IFT88: variants seen among roughly 807,000 people sequenced by gnomAD.
The protein encoded by IFT88 is intraflagellar transport 88.
Under a neutral mutation model 119.5 loss-of-function variants are expected in IFT88, and 74 were observed. The observed-to-expected ratio is 0.62, with a 90% CI of 0.51 to 0.75. The LOEUF (loss-of-function observed/expected upper bound fraction) is 0.75. Among genes scored for constraint, IFT88 ranks in the 30% least tolerant of loss-of-function variants. The pLI, the probability that IFT88 is intolerant of heterozygous loss-of-function variation, is 0.00. For synonymous variants in IFT88, 279 were observed against 316.7 expected (o/e 0.88, Z 1.26); for missense variants, 961 against 977.7 (o/e 0.98, Z 0.23).
chr13:20,568,023 C>A, intron 1 of IFT88: 1 of 713,044 alleles, frequency 1.4e-6, no homozygotes. Flanking sequence ...TAAAAAAAAT[C>A]GCAAAAAAGA....
chr13:20,642,930 A>C (rs867292957), intron 18 of IFT88: 1 of 152,048 alleles, frequency 6.6e-6, no homozygotes, highest in African/African-American at 2.4e-5. Flanking sequence ...TAATATGTAT[A>C]AAATAAATAG....
chr13:20,624,738 G>A (rs762148023), intron 14 of IFT88, among the ~76,000 whole-genome samples: 5 of 152,054 alleles, frequency 3.3e-5, no homozygotes, highest in South Asian at 2.1e-4. Context: ...CCAGGAGGAG[G>A]CCACTCAGTT....
intron 24 of IFT88, among the ~76,000 whole-genome samples, chr13:20,679,730 GGATTA>G (rs969329226): frequency 1.3e-5 from 2 of 152,116 alleles, no homozygotes; most frequent in African/African-American, 4.8e-5. Flanking sequence ...CATGTAATTA[GGATTA>G]TATTGGGTTG....
intron 15 of IFT88, among the ~76,000 whole-genome samples, chr13:20,627,093 T>G (rs531841143): frequency 6.6e-6 from 1 of 152,368 alleles, no homozygotes; most frequent in South Asian, 2.1e-4. Context: ...ATACATATAA[T>G]TAATGTAGTA....
intron 23 of IFT88, among the ~76,000 whole-genome samples, chr13:20,670,523 C>CA (rs2055614232): frequency 1.1e-5 from 1 of 94,986 alleles, no homozygotes; most frequent in Non-Finnish European, 2.1e-5. Flanking sequence ...CTCAGCTTAC[C>CA]TTTTTTTTTT....
In IFT88 at chr13:20,597,116, C is replaced by T. The variant is rs1202149361; in HGVS notation, c.591C>T (p.Tyr197=). ...AAAATATCAATTTGGATTTAACTTACTCAGTAAGTATTGAAATATAACACA... is the reference window on the plus strand; with the variant it reads ...AAAATATCAATTTGGATTTAACTTATTCAGTAAGTATTGAAATATAACACA... ...TPENINLDLT[Y]SVLFNLASQY... is the part of the protein sequence containing the mutation. The change falls in exon 9 of 26, where the codon TAC becomes TAT. Residue 197 remains tyrosine, a synonymous_variant. Coordinates refer to ENST00000351808, the MANE Select transcript of IFT88 (RefSeq NM_006531.5). The T allele has an allele frequency of 3.9e-6, 6 of 1,548,590 alleles. No individual in the cohort carries two copies. Among genetic ancestry groups the T allele is most frequent in the African/African-American group, 1.4e-5 (1 of 72,914 alleles).
chr13:20,601,581 A>G (rs868338748), intron 11 of IFT88, 124 bp from the exon 12 acceptor site: 2 of 596,422 alleles, frequency 3.4e-6, no homozygotes, highest in Middle Eastern at 4.5e-4. Flanking sequence ...TTTATCAATA[A>G]AGCTTTAACA....
intron 22 of IFT88, chr13:20,663,290 T>TG: frequency 6.7e-7 from 1 of 1,485,904 alleles, no homozygotes; most frequent in African/African-American, 1.4e-5. Context: ...ACAGGACACA[T>TG]GGAGAGAGAC....
chr13:20,613,454 A>T (rs1185897791), intron 13 of IFT88, among the ~76,000 whole-genome samples: 1 of 152,164 alleles, frequency 6.6e-6, no homozygotes, highest in Admixed American at 6.5e-5. Flanking sequence ...AAGAGTGTGG[A>T]GAAATTGGAA....
At position 20,652,346 on chromosome 13, in the gene IFT88, G is replaced by A. The variant is rs571526640; in HGVS notation, c.1950-1530G>A. On this transcript the variant is annotated intron_variant, in intron 20 of 25. Coordinates refer to ENST00000351808, the MANE Select transcript of IFT88 (RefSeq NM_006531.5). ...TCAGTAATTCAGCTCTTAATAAAAG[G>A]ATACATACTGCCAGGTGCAGTGGCT... 2.8e-4 allele frequency among the ~76,000 whole-genome samples: 42 copies of A among 152,230 alleles called. No homozygotes were observed. The South Asian group carries it at 8.7e-3, about 32-fold the overall frequency.
intron 13 of IFT88, among the ~76,000 whole-genome samples, chr13:20,615,488 A>G (rs921686825): frequency 6.6e-6 from 1 of 152,166 alleles, no homozygotes; most frequent in African/African-American, 2.4e-5. Context: ...TAGGCTACGT[A>G]AGTTCCGCTG....
chr13:20,690,983 G>A (rs747186361), intron 25 of IFT88, 71 bp from the exon 26 acceptor site: 17 of 1,561,698 alleles, frequency 1.1e-5, no homozygotes, highest in Non-Finnish European at 1.5e-5. Flanking sequence ...TTTTGACTAT[G>A]AGCCTGATTG....
chr13:20,645,930 G>A (rs1049963224), intron 20 of IFT88, among the ~76,000 whole-genome samples: 10 of 152,188 alleles, frequency 6.6e-5, no homozygotes, highest in African/African-American at 2.4e-4. Context: ...TACCAAGGAT[G>A]AGGAGATAGT....
Position 20,596,141 on chromosome 13 carries a change from CT to C in IFT88, c.399-6del. 7.7e-7 allele frequency: 1 copy of C among 1,296,936 alleles called. No homozygotes were observed. Among genetic ancestry groups the C allele is most frequent in the Non-Finnish European group, 1.1e-6 (1 of 947,786 alleles). The allele number at this position is 1,296,936 out of a possible 1,614,324, so 80.3% of individuals were successfully genotyped here. On this transcript the variant is annotated splice_polypyrimidine_tract_variant and splice_region_variant and intron_variant, in intron 7 of 25. Coordinates refer to ENST00000351808, the MANE Select transcript of IFT88 (RefSeq NM_006531.5). ...TGATTTAAATTGTACCTGCTTTTGTCTTTAATAGCCCAGAGGAAAAAATAAA... is the reference window on the plus strand; with the variant it reads ...TGATTTAAATTGTACCTGCTTTTGTCTTAATAGCCCAGAGGAAAAAATAAA...
intron 22 of IFT88, among the ~76,000 whole-genome samples, chr13:20,657,049 G>A (rs1037733459): frequency 2.0e-5 from 3 of 152,104 alleles, no homozygotes; most frequent in Non-Finnish European, 4.4e-5. Flanking sequence ...AGTAGAGACG[G>A]GTTTTACTAT....
intron 1 of IFT88, among the ~76,000 whole-genome samples, chr13:20,570,336 A>G (rs1350580861): frequency 6.6e-6 from 1 of 152,220 alleles, no homozygotes; most frequent in Non-Finnish European, 1.5e-5. Context: ...AGTTAAACAT[A>G]GAGTTACTAT....
chr13:20,625,383 A>G (rs575474638), intron 14 of IFT88, among the ~76,000 whole-genome samples: 23 of 152,342 alleles, frequency 1.5e-4, no homozygotes, highest in African/African-American at 5.1e-4. Flanking sequence ...AAAATTAAAT[A>G]TATTCTACAA....
chr13:20,655,215 C>T (rs1474830343), intron 21 of IFT88, among the ~76,000 whole-genome samples: 4 of 152,174 alleles, frequency 2.6e-5, no homozygotes, highest in South Asian at 4.2e-4. Context: ...TGGCAGATCA[C>T]GAGGTCAAGA....
intron 12 of IFT88, among the ~76,000 whole-genome samples, chr13:20,603,847 G>A (rs1490366906): frequency 2.0e-5 from 3 of 152,048 alleles, no homozygotes; most frequent in South Asian, 2.1e-4. Flanking sequence ...GCAGTGAGCC[G>A]TGATCACACC....
Sources: allele counts gnomAD v4.1 joint callset (sites outside exome capture counted in the v4.1 genomes callset), GRCh38; gene constraint gnomAD v4.1.1; transcripts MANE v1.5; gene names NCBI Gene and HGNC (gene_info 2026-07-23, HGNC 2026-07-21).